The following CNTNAP5 variants were observed in gnomAD, a reference collection of about 807,000 sequenced individuals.
The protein encoded by CNTNAP5 is contactin-associated protein-like 5.
Under a neutral mutation model 150.2 loss-of-function variants are expected in CNTNAP5, and 72 were observed. The ratio of observed to expected loss-of-function variants is 0.48; its 90% CI spans 0.40 to 0.58. CNTNAP5 has a LOEUF of 0.58. CNTNAP5 is among the 20% of genes least tolerant of loss of function. The pLI is 0.00. For synonymous variants in CNTNAP5, 672 were observed against 619.8 expected, an observed-to-expected ratio of 1.08 and a Z score of -1.25; for missense variants, 1,636 against 1,626.2, an observed-to-expected ratio of 1.01 and a Z score of -0.10.
At chr2:124,762,879 A>T (rs1323637793) in intron 14 of CNTNAP5, among the ~76,000 whole-genome samples, 2 of 152,098 alleles carry the variant, frequency 1.3e-5, no homozygotes, top group African/African-American at 4.8e-5. Context: ...CAGCATAGGA[A>T]TTTTTTTGGG....
chr2:124,284,609 C>G (rs1438722351), intron 3 of CNTNAP5, among the ~76,000 whole-genome samples: 4 of 151,960 alleles, frequency 2.6e-5, no homozygotes, highest in Non-Finnish European at 5.9e-5. Flanking sequence ...TATCCTGGAA[C>G]TTAAGATTAA....
intron 19 of CNTNAP5, among the ~76,000 whole-genome samples, chr2:124,827,627 T>C (rs1682624388): frequency 1.3e-5 from 2 of 152,178 alleles, no homozygotes; most frequent in South Asian, 4.1e-4. Flanking sequence ...AAGACGAACA[T>C]AGTCCACTTA....
intron 13 of CNTNAP5, among the ~76,000 whole-genome samples, chr2:124,733,937 T>C (rs191609620): frequency 1.3e-5 from 2 of 152,144 alleles, no homozygotes; most frequent in East Asian, 1.9e-4. Context: ...GTTTGTTGAA[T>C]AGAGTATTAA....
At chr2:124,042,982 A>G (rs1195995003) in intron 1 of CNTNAP5, among the ~76,000 whole-genome samples, 2 of 152,344 alleles carry the variant, frequency 1.3e-5, no homozygotes, top group Middle Eastern at 3.4e-3. Flanking sequence ...CAGTTAGATA[A>G]TAATCCTGGC....
At chr2:124,331,638 T>C (rs1689351398) in intron 3 of CNTNAP5, among the ~76,000 whole-genome samples, 1 of 152,004 alleles carries the variant, frequency 6.6e-6, no homozygotes, top group South Asian at 2.1e-4. Flanking sequence ...CACAGATTAT[T>C]ACAAAATAAT....
chr2:124,616,636 G>A (rs186395770), intron 12 of CNTNAP5, among the ~76,000 whole-genome samples: 47 of 152,278 alleles, frequency 3.1e-4, no homozygotes, highest in Middle Eastern at 3.4e-3. Context: ...TTGCACAAGA[G>A]GCCTAGCTTT....
Position 124,850,181 on chromosome 2 carries a change from A to G in CNTNAP5, c.3218-15125A>G, listed in dbSNP as rs191000659. 8.5e-5 allele frequency among the ~76,000 whole-genome samples: 13 copies of G among 152,336 alleles called. No individual in the cohort carries two copies. The East Asian group carries it at 1.4e-3, about 16-fold the overall frequency. ...TTTTAACGATATTGGTAATAACAGT[A>G]AAAATAGGTCACTAATTTTGTTTCC... On this transcript the variant is annotated intron_variant, in intron 19 of 23. Coordinates refer to ENST00000682447, the MANE Select transcript of CNTNAP5 (RefSeq NM_001367498.1).
rs139138781 is a variant in CNTNAP5 at position 124,668,862 on chromosome 2, A to T, written c.2077+20904A>T. ...TGCTTCTGGAATGAGGGAAGGAATG[A>T]GGGAAGGTTAGGAAGTGCTAGGGCA... On this transcript the variant is annotated intron_variant, in intron 13 of 23. Coordinates refer to ENST00000682447, the MANE Select transcript of CNTNAP5 (RefSeq NM_001367498.1). Among the ~76,000 whole-genome samples the T allele has an allele frequency of 1.2e-4, 19 of 152,294 alleles. No individual in the cohort carries two copies. The East Asian group carries it at 3.7e-3, about 29-fold the overall frequency.
chr2:124,609,327 G>A (rs1357438078), intron 11 of CNTNAP5, among the ~76,000 whole-genome samples: 2 of 152,206 alleles, frequency 1.3e-5, no homozygotes, highest in Admixed American at 6.5e-5. Context: ...GGCGGATCAT[G>A]CCTATAATCC....
At chr2:124,385,466 A>C (rs184235774) in intron 3 of CNTNAP5, among the ~76,000 whole-genome samples, 1 of 152,306 alleles carries the variant, frequency 6.6e-6, no homozygotes, top group Admixed American at 6.5e-5. Flanking sequence ...GTGCAATATA[A>C]GAATTTAAGT....
chr2:124,048,417 T>C (rs572510015), intron 1 of CNTNAP5, among the ~76,000 whole-genome samples: 2 of 152,236 alleles, frequency 1.3e-5, no homozygotes, highest in Non-Finnish European at 2.9e-5. Flanking sequence ...TGCGTCTCCA[T>C]TTAGTAAGTG....
At chr2:124,803,935 A>G (rs1161250219) in intron 19 of CNTNAP5, among the ~76,000 whole-genome samples, 2 of 152,194 alleles carry the variant, frequency 1.3e-5, no homozygotes, top group African/African-American at 4.8e-5. Context: ...TGATTTCCTC[A>G]GAGCAGCAAG....
At chr2:124,123,990 G>C (rs1683628023) in intron 1 of CNTNAP5, among the ~76,000 whole-genome samples, 2 of 152,124 alleles carry the variant, frequency 1.3e-5, no homozygotes, top group African/African-American at 4.8e-5. Flanking sequence ...CTAAAAATCA[G>C]AGCACCTCTC....
At chr2:124,665,852 C>T (rs1678689388) in intron 13 of CNTNAP5, among the ~76,000 whole-genome samples, 1 of 150,750 alleles carries the variant, frequency 6.6e-6, no homozygotes, top group African/African-American at 2.4e-5. Flanking sequence ...AGCCACTGCA[C>T]TCCGGCCTGG....
At chr2:124,227,876 C>T (rs1170613) in intron 2 of CNTNAP5, among the ~76,000 whole-genome samples, 27,162 of 151,318 alleles carry the variant, frequency 0.18, 2,704 homozygotes, top group East Asian at 0.35. Context: ...ACAGAACCAA[C>T]GGGATATATA....
intron 21 of CNTNAP5, among the ~76,000 whole-genome samples, chr2:124,882,582 A>C (rs1213328181): frequency 6.6e-6 from 1 of 152,074 alleles, no homozygotes; most frequent in Admixed American, 6.6e-5. Flanking sequence ...AGGATGACAC[A>C]CTCTGTCTAG....
intron 13 of CNTNAP5, among the ~76,000 whole-genome samples, chr2:124,652,706 G>A (rs944936285): frequency 6.6e-6 from 1 of 152,120 alleles, no homozygotes; most frequent in African/African-American, 2.4e-5. Context: ...GGCATTGGAA[G>A]GCCTCCCTAT....
chr2:124,793,933 G>T (rs1169640641), intron 18 of CNTNAP5, among the ~76,000 whole-genome samples: 3 of 152,078 alleles, frequency 2.0e-5, no homozygotes, highest in African/African-American at 2.4e-5. Context: ...ATCTAGAAAA[G>T]TTAAAACCCA....
At chr2:124,142,028 C>G (rs935997731) in intron 1 of CNTNAP5, among the ~76,000 whole-genome samples, 1 of 147,236 alleles carries the variant, frequency 6.8e-6, no homozygotes, top group East Asian at 2.0e-4. Context: ...CAACAAAGAT[C>G]AAAAGAGACA....
Sources: gnomAD v4.1 joint callset for allele counts (sites outside exome capture counted in the v4.1 genomes callset) on GRCh38, gnomAD v4.1.1 for gene constraint, MANE v1.5 for transcripts, NCBI Gene and HGNC (gene_info 2026-07-23, HGNC 2026-07-21) for gene names.